The following DCP1A variants were observed in gnomAD, a reference collection of about 807,000 sequenced individuals.
DCP1A encodes mRNA-decapping enzyme 1A.
DCP1A carries 20 observed loss-of-function variants against 58.0 expected under a neutral mutation model. The observed-to-expected ratio is 0.34, with a 90% CI of 0.24 to 0.50. The LOEUF is 0.50. DCP1A is among the 20% of genes least tolerant of loss of function. The pLI, the probability that DCP1A is intolerant of heterozygous loss-of-function variation, is 0.98. For missense variants in DCP1A, 613 were observed against 712.2 expected, an observed-to-expected ratio of 0.86 and a Z score of 1.59; for synonymous variants, 285 against 275.1, an observed-to-expected ratio of 1.04 and a Z score of -0.36.
chr3:53,291,156 C>T (rs1378229376), intron 7 of DCP1A, among the ~76,000 whole-genome samples: 4 of 115,148 alleles, frequency 3.5e-5, no homozygotes, highest in African/African-American at 1.2e-4. Context: ...ACCTGTGTCT[C>T]TTATAAAAGC....
intron 1 of DCP1A, among the ~76,000 whole-genome samples, chr3:53,345,940 ATTT>A (rs2089286499): frequency 6.6e-6 from 1 of 152,188 alleles, no homozygotes; most frequent in South Asian, 2.1e-4. Context: ...GAGGGAAAAG[ATTT>A]TTGTCATGCT....
At chr3:53,341,271 G>A (rs782054876) in intron 3 of DCP1A, among the ~76,000 whole-genome samples, 7 of 151,460 alleles carry the variant, frequency 4.6e-5, no homozygotes, top group South Asian at 2.1e-4. Flanking sequence ...TGGCTAACAC[G>A]GTGAAACCCC....
intron 3 of DCP1A, among the ~76,000 whole-genome samples, chr3:53,337,585 A>G (rs1051585385): frequency 6.6e-6 from 1 of 152,268 alleles, no homozygotes; most frequent in South Asian, 2.1e-4. Flanking sequence ...TCTTATCTGC[A>G]AACTAAATTC....
chr3:53,342,268 T>C lies in DCP1A; in HGVS notation c.180A>G (p.Ser60=), dbSNP rs2089219279. The C allele has an allele frequency of 6.3e-7, 1 of 1,594,774 alleles. No individual in the cohort carries two copies. The highest frequency in any genetic ancestry group is 8.6e-7 in the Non-Finnish European group (1 of 1,167,940). ...TGGTAAAACCATGGTAAGGGGAAGC[T>C]GACCTTAGATTTAATAGAAGAAAAA... ...IEGTLFVYRR[S]ASPYHGFTIV... The change falls in exon 3 of 10, where the codon TCA becomes TCG. Residue 60 remains serine (S), a synonymous_variant. Coordinates refer to ENST00000610213, the MANE Select transcript of DCP1A (RefSeq NM_018403.7).
chr3:53,327,388 C>T (rs530658299), intron 3 of DCP1A, among the ~76,000 whole-genome samples: 6 of 152,310 alleles, frequency 3.9e-5, no homozygotes, highest in African/African-American at 1.2e-4. Flanking sequence ...TGGTCACACA[C>T]GTCATTTTAT....
intron 3 of DCP1A, among the ~76,000 whole-genome samples, chr3:53,335,743 T>C (rs1168546599): frequency 6.6e-6 from 1 of 152,222 alleles, no homozygotes; most frequent in Admixed American, 6.5e-5. Context: ...GTAGAGAGTA[T>C]CTTTCAATTA....
intron 3 of DCP1A, among the ~76,000 whole-genome samples, chr3:53,321,875 G>C (rs752449144): frequency 2.0e-5 from 3 of 152,086 alleles, no homozygotes; most frequent in Non-Finnish European, 4.4e-5. Context: ...AGTTATGCTC[G>C]ATGATTAAAG....
In DCP1A at chr3:53,290,565, C is replaced by A. The variant is rs1476852827; in HGVS notation, c.1449+226G>T. On this transcript the variant is annotated intron_variant, in intron 8 of 9. Transcript: ENST00000610213. ...GCTGGGCTCCATAGCTAACTCTTTT[C>A]ACTAAGCTGACAACCTTTTACTTCA... 1.3e-4 allele frequency: 83 copies of A among 634,820 alleles called. No homozygotes were observed. In the South Asian group the frequency reaches 1.5e-3, roughly 12 times the overall value. 39.3% of individuals were successfully genotyped at this position (634,820 alleles called of 1,614,324 possible).
chr3:53,344,921 T>C lies in DCP1A; in HGVS notation c.157A>G (p.Thr53Ala). ...ACTTACCTTCGATATACGAATAAGG[T>C]CCCTTCTATATCAGTCTTCTCCTAT... is the stretch of plus-strand genomic sequence containing the variant. ...NQWEKTDIEG[T>A]LFVYRRSASP... The change falls in exon 2 of 10, where the codon ACC becomes GCC. Residue 53 changes from threonine to alanine, a missense_variant. Coordinates refer to ENST00000610213, the MANE Select transcript of DCP1A (RefSeq NM_018403.7). 6.2e-7 allele frequency: 1 copy of C among 1,606,448 alleles called. No individual in the cohort carries two copies. Among genetic ancestry groups the C allele is most frequent in the Non-Finnish European group, 8.5e-7 (1 of 1,175,902 alleles).
At chr3:53,314,667 C>CTTTTTTTTTTTTTTTTT (rs1167830951) in intron 4 of DCP1A, among the ~76,000 whole-genome samples, 1 of 86,720 alleles carries the variant, frequency 1.2e-5, no homozygotes, top group Non-Finnish European at 2.1e-5. Flanking sequence ...TTTTCTTTTT[C>CTTTTTTTTTTTTTTTTT]TTTTTTTTTT....
chr3:53,319,762 C>T (rs56308025), intron 3 of DCP1A, among the ~76,000 whole-genome samples: 1 of 152,162 alleles, frequency 6.6e-6, no homozygotes, highest in Admixed American at 6.5e-5. Flanking sequence ...TATTTATGTA[C>T]TATCAAGCTT....
chr3:53,338,203 C>A, intron 3 of DCP1A: 1 of 427,602 alleles, frequency 2.3e-6, no homozygotes. Flanking sequence ...TCAATAACTC[C>A]AGAATTTATA....
chr3:53,342,025 A>C, intron 3 of DCP1A, 119 bp downstream of exon 3: 1 of 880,532 alleles, frequency 1.1e-6, no homozygotes, highest in South Asian at 1.8e-5. Context: ...CTCATTTATA[A>C]TCATTAAGTA....
intron 6 of DCP1A, among the ~76,000 whole-genome samples, chr3:53,295,209 G>A (rs1707079597): frequency 6.6e-6 from 1 of 152,192 alleles, no homozygotes; most frequent in South Asian, 2.1e-4. Flanking sequence ...CATCTGCTAG[G>A]TGAGAGGGAC....
chr3:53,315,050 A>AAACG lies in DCP1A; in HGVS notation c.372-2675_372-2672dup, dbSNP rs1221872359. 3.3e-5 allele frequency among the ~76,000 whole-genome samples: 5 copies of AAACG among 152,300 alleles called. No homozygotes were observed. The South Asian group carries it at 8.3e-4, about 25-fold the overall frequency. ...GTGGTAATGGAAGGGACTCTCACAT[A>AAACG]AACGAGGCTTGGACTCTAAGGCCTC... On this transcript the variant is annotated intron_variant, in intron 4 of 9. Transcript: ENST00000610213.
intron 5 of DCP1A, among the ~76,000 whole-genome samples, chr3:53,306,997 C>G (rs1313388319): frequency 7.4e-6 from 1 of 134,624 alleles, no homozygotes; most frequent in African/African-American, 2.8e-5. Flanking sequence ...AGTGCAGTGG[C>G]GCAATCTTGG....
At chr3:53,336,028 G>A (rs1016660851) in intron 3 of DCP1A, among the ~76,000 whole-genome samples, 2 of 151,958 alleles carry the variant, frequency 1.3e-5, no homozygotes, top group African/African-American at 4.8e-5. Context: ...TTGAACTCCT[G>A]GGCTCAAGTG....
At chr3:53,294,869 GCT>G (rs781939003) in intron 6 of DCP1A, among the ~76,000 whole-genome samples, 6 of 152,198 alleles carry the variant, frequency 3.9e-5, no homozygotes, top group Non-Finnish European at 8.8e-5. Flanking sequence ...CAAGGCAGGG[GCT>G]CTCTTTCTCA....
intron 3 of DCP1A, among the ~76,000 whole-genome samples, chr3:53,336,102 AT>A (rs2089109997): frequency 1.4e-5 from 2 of 140,186 alleles, no homozygotes; most frequent in Admixed American, 7.1e-5. Context: ...GCCTGGCAGC[AT>A]TTTATTCTTT....
Sources: allele counts gnomAD v4.1 joint callset (sites outside exome capture counted in the v4.1 genomes callset), GRCh38; gene constraint gnomAD v4.1.1; transcripts MANE v1.5; gene names NCBI Gene and HGNC (gene_info 2026-07-23, HGNC 2026-07-21).